The following ATP6V0E1 variants were observed in gnomAD, a reference collection of about 807,000 sequenced individuals.
The protein encoded by ATP6V0E1 is V-type proton ATPase subunit e 1.
ATP6V0E1 carries 4 observed loss-of-function variants against 11.6 expected under a neutral mutation model. The ratio of observed to expected loss-of-function variants is 0.35; its 90% CI spans 0.17 to 0.79. The LOEUF (loss-of-function observed/expected upper bound fraction) is 0.79. Among genes scored for constraint, ATP6V0E1 ranks in the 30% least tolerant of loss-of-function variants. The pLI is 0.54. For missense variants in ATP6V0E1, 105 were observed against 100.0 expected (o/e 1.05, Z -0.21); for synonymous variants, 36 against 34.8 (o/e 1.04, Z -0.13).
chr5:173,027,742 A>C (rs564481031), intron 3 of ATP6V0E1, among the ~76,000 whole-genome samples: 1 of 152,012 alleles, frequency 6.6e-6, no homozygotes, highest in Non-Finnish European at 1.5e-5. Flanking sequence ...GCATGAGCCA[A>C]TGTGCCTGGC....
intron 2 of ATP6V0E1, among the ~76,000 whole-genome samples, chr5:173,004,882 T>G (rs1374073489): frequency 6.6e-6 from 1 of 152,208 alleles, no homozygotes; most frequent in Non-Finnish European, 1.5e-5. Context: ...AATATAGACA[T>G]CCAGTTGTTG....
intron 2 of ATP6V0E1, among the ~76,000 whole-genome samples, chr5:173,000,835 G>A (rs1252204232): frequency 6.6e-6 from 1 of 151,880 alleles, no homozygotes; most frequent in Non-Finnish European, 1.5e-5. Flanking sequence ...TGAGTAGGTG[G>A]GACTACAGAT....
At chr5:172,990,958 T>C (rs1755970491) in intron 1 of ATP6V0E1, among the ~76,000 whole-genome samples, 1 of 152,050 alleles carries the variant, frequency 6.6e-6, no homozygotes, top group Admixed American at 6.5e-5. Flanking sequence ...TTTTTTGTTT[T>C]GTTTTGTTTT....
At chr5:173,032,249 TTTTATTTATTTA>T (rs1205061181) in intron 3 of ATP6V0E1, among the ~76,000 whole-genome samples, 125 of 132,282 alleles carry the variant, frequency 9.4e-4, no homozygotes, top group African/African-American at 1.4e-3. Context: ...TTTTATTTTA[TTTTATTTATTTA>T]TTTATTTATT....
At chr5:172,997,943 C>T (rs889963332) in intron 2 of ATP6V0E1, among the ~76,000 whole-genome samples, 1 of 152,036 alleles carries the variant, frequency 6.6e-6, no homozygotes, top group Non-Finnish European at 1.5e-5. Context: ...ATGTTGAAAC[C>T]CTTTCTCTAC....
intron 3 of ATP6V0E1, among the ~76,000 whole-genome samples, chr5:173,025,496 A>G (rs1228119396): frequency 1.4e-5 from 2 of 142,200 alleles, no homozygotes; most frequent in Admixed American, 1.4e-4. Context: ...TACAATGTAT[A>G]TAAAATACTT....
At chr5:173,025,794 G>A (rs1048558734) in intron 3 of ATP6V0E1, among the ~76,000 whole-genome samples, 2 of 151,810 alleles carry the variant, frequency 1.3e-5, no homozygotes, top group African/African-American at 4.8e-5. Flanking sequence ...CTCCATGCCC[G>A]GCAAAATACT....
intron 2 of ATP6V0E1, among the ~76,000 whole-genome samples, chr5:173,004,281 T>G (rs1756197908): frequency 6.6e-6 from 1 of 152,166 alleles, no homozygotes; most frequent in South Asian, 2.1e-4. Flanking sequence ...AGTCAGCTTT[T>G]CACAAGGTTG....
intron 1 of ATP6V0E1, 40 bp downstream of exon 1, chr5:172,984,004 A>G (rs1158058750): frequency 6.3e-7 from 1 of 1,583,456 alleles, no homozygotes. Flanking sequence ...ACGGGCGGTG[A>G]GGAGCTAGCA....
chr5:173,010,748 G>A (rs1756308677), intron 2 of ATP6V0E1, among the ~76,000 whole-genome samples: 1 of 152,236 alleles, frequency 6.6e-6, no homozygotes, highest in Admixed American at 6.5e-5. Context: ...CAGTGGATCA[G>A]AAGAGAGGTC....
At chr5:173,030,451 T>G (rs1017306397) in intron 3 of ATP6V0E1, among the ~76,000 whole-genome samples, 1 of 150,980 alleles carries the variant, frequency 6.6e-6, no homozygotes, top group Non-Finnish European at 1.5e-5. Flanking sequence ...GTTTTTTTTT[T>G]TTTTTTTGAA....
intron 3 of ATP6V0E1, among the ~76,000 whole-genome samples, chr5:173,023,676 C>G (rs1424608093): frequency 6.6e-6 from 1 of 152,116 alleles, no homozygotes; most frequent in East Asian, 1.9e-4. Flanking sequence ...GAAACCTTGT[C>G]TCTACAAAAA....
chr5:173,030,423 CTTCA>C (rs1045072341), intron 3 of ATP6V0E1, among the ~76,000 whole-genome samples: 1 of 149,122 alleles, frequency 6.7e-6, no homozygotes, highest in Non-Finnish European at 1.5e-5. Context: ...TTTATGTTAT[CTTCA>C]TTGTCAGTTT....
chr5:173,001,736 G>A (rs1264801206), intron 2 of ATP6V0E1, among the ~76,000 whole-genome samples: 1 of 143,814 alleles, frequency 7.0e-6, no homozygotes, highest in Non-Finnish European at 1.5e-5. Context: ...CTTTTCCCCC[G>A]AGACGGAGTT....
chr5:173,014,768 T>C (rs896880602), intron 2 of ATP6V0E1, among the ~76,000 whole-genome samples: 9 of 148,040 alleles, frequency 6.1e-5, no homozygotes, highest in Non-Finnish European at 1.2e-4. Flanking sequence ...TACAAACATG[T>C]GGGGTACCCG....
chr5:173,031,136 G>A (rs1344720541), intron 3 of ATP6V0E1, among the ~76,000 whole-genome samples: 2 of 151,880 alleles, frequency 1.3e-5, no homozygotes, highest in Non-Finnish European at 2.9e-5. Flanking sequence ...ATTTGAGACG[G>A]GGTTTCACTG....
intron 3 of ATP6V0E1, among the ~76,000 whole-genome samples, chr5:173,027,178 C>CG (rs1756574639): frequency 3.8e-5 from 1 of 26,048 alleles, no homozygotes; most frequent in African/African-American, 1.4e-4. Context: ...GACTCCGTCT[C>CG]AAAAAAAAAA....
In ATP6V0E1 at chr5:173,002,586, G is replaced by C. The variant is rs115554813; in HGVS notation, c.152+7764G>C. On this transcript the variant is annotated intron_variant, in intron 2 of 3. Transcript: ENST00000519374. ...ACCAGTCTCCTTCATAAGTGGTGTT[G>C]AGTACTTCCAAGAGGGGTACATAAT... Among the ~76,000 whole-genome samples, 12 of 152,248 alleles carry C rather than the reference G, an allele frequency of 7.9e-5. 1 individual carries two copies. The East Asian group carries it at 2.3e-3, about 29-fold the overall frequency.
chr5:172,989,483 C>G (rs539263894), intron 1 of ATP6V0E1, among the ~76,000 whole-genome samples: 1 of 152,240 alleles, frequency 6.6e-6, no homozygotes, highest in South Asian at 2.1e-4. Flanking sequence ...TGTTTCTCTC[C>G]CTTCTTTCCT....
Sources: gnomAD v4.1 joint callset for allele counts (sites outside exome capture counted in the v4.1 genomes callset) on GRCh38, gnomAD v4.1.1 for gene constraint, MANE v1.5 for transcripts, NCBI Gene and HGNC (gene_info 2026-07-23, HGNC 2026-07-21) for gene names.